Variants in IGF2BP2 observed in about 807,000 individuals in gnomAD.
IGF2BP2 encodes insulin-like growth factor 2 mRNA-binding protein 2.
IGF2BP2 carries 17 observed loss-of-function variants against 75.8 expected under a neutral mutation model. That is an observed-to-expected ratio of 0.22 (90% CI 0.15 to 0.34). The LOEUF (loss-of-function observed/expected upper bound fraction) is 0.34, where lower values mean the gene tolerates loss of function less well. Among genes scored for constraint, IGF2BP2 ranks in the 10% least tolerant of loss-of-function variants. IGF2BP2 has a pLI of 1.00. For synonymous variants in IGF2BP2, 288 were observed against 295.6 expected, an observed-to-expected ratio of 0.97 and a Z score of 0.26; for missense variants, 516 against 772.4, an observed-to-expected ratio of 0.67 and a Z score of 3.93.
rs1717550752 is a variant in IGF2BP2, at chr3:185,666,021, GA to G, written c.1200+6519del. Among the ~76,000 whole-genome samples, 3 of 151,064 alleles carry G rather than the reference GA, an allele frequency of 2.0e-5. No individual in the cohort carries two copies. The South Asian group carries it at 6.5e-4, about 33-fold the overall frequency. ...AGGTACATAGATAGATAGATAGATAGATAGATAGATAGATAGATAGATAGAT... is the reference window on the plus strand; with the variant it reads ...AGGTACATAGATAGATAGATAGATAGTAGATAGATAGATAGATAGATAGAT... On this transcript the variant is annotated intron_variant, in intron 10 of 15. Coordinates refer to ENST00000382199, the MANE Select transcript of IGF2BP2 (RefSeq NM_006548.6).
chr3:185,809,152 G>A (rs1238360402), intron 2 of IGF2BP2, among the ~76,000 whole-genome samples: 1 of 143,806 alleles, frequency 7.0e-6, no homozygotes, highest in Non-Finnish European at 1.5e-5. Context: ...TTTCTTCTGT[G>A]ATTCCCAGTA....
intron 2 of IGF2BP2, among the ~76,000 whole-genome samples, chr3:185,774,586 C>A (rs1442949940): frequency 7.6e-6 from 1 of 130,950 alleles, no homozygotes; most frequent in African/African-American, 3.5e-5. Context: ...CAGAGCGAGA[C>A]TCTGTCTCAA....
At chr3:185,741,168 CG>C (rs1408618638) in intron 2 of IGF2BP2, among the ~76,000 whole-genome samples, 4 of 152,048 alleles carry the variant, frequency 2.6e-5, no homozygotes, top group Non-Finnish European at 5.9e-5. Flanking sequence ...CCACTGTGCC[CG>C]GCCGCATATT....
chr3:185,671,913 A>G (rs773663009), intron 10 of IGF2BP2, among the ~76,000 whole-genome samples: 1 of 152,232 alleles, frequency 6.6e-6, no homozygotes, highest in South Asian at 2.1e-4. Flanking sequence ...TGAGCCCCCA[A>G]TTTGGTAATG....
chr3:185,680,184 C>T (rs1218022426), intron 7 of IGF2BP2, among the ~76,000 whole-genome samples: 1 of 152,066 alleles, frequency 6.6e-6, no homozygotes, highest in Non-Finnish European at 1.5e-5. Flanking sequence ...AATTGTATGC[C>T]TACAAATTTA....
chr3:185,768,520 C>G (rs982859630), intron 2 of IGF2BP2, among the ~76,000 whole-genome samples: 1 of 152,078 alleles, frequency 6.6e-6, no homozygotes, highest in Admixed American at 6.6e-5. Flanking sequence ...TCCTTTAATA[C>G]TACTTAAATA....
chr3:185,801,366 G>A (rs1738237969), intron 2 of IGF2BP2, among the ~76,000 whole-genome samples: 7 of 151,688 alleles, frequency 4.6e-5, no homozygotes, highest in Admixed American at 4.6e-4. Context: ...GCACATGCCT[G>A]TAATCCCAGC....
At chr3:185,802,238 G>C (rs896706248) in intron 2 of IGF2BP2, among the ~76,000 whole-genome samples, 1 of 151,660 alleles carries the variant, frequency 6.6e-6, no homozygotes, top group Non-Finnish European at 1.5e-5. Context: ...CACAGGTAGA[G>C]AGGTTCTGAT....
intron 10 of IGF2BP2, among the ~76,000 whole-genome samples, chr3:185,663,445 G>A (rs1259477007): frequency 6.6e-6 from 1 of 152,146 alleles, no homozygotes; most frequent in African/African-American, 2.4e-5. Flanking sequence ...TTTTCTCTGA[G>A]TTTGACTCTT....
At chr3:185,785,372 C>T (rs1269915090) in intron 2 of IGF2BP2, among the ~76,000 whole-genome samples, 2 of 150,714 alleles carry the variant, frequency 1.3e-5, no homozygotes, top group Non-Finnish European at 2.9e-5. Flanking sequence ...GACCGTTATG[C>T]CCCAGCATTT....
chr3:185,676,941 C>G (rs1455165502), intron 7 of IGF2BP2, among the ~76,000 whole-genome samples: 1 of 132,228 alleles, frequency 7.6e-6, no homozygotes, highest in South Asian at 2.4e-4. Flanking sequence ...GAGAGAGAGA[C>G]ATATATATAT....
intron 2 of IGF2BP2, among the ~76,000 whole-genome samples, chr3:185,806,530 A>T (rs1222324566): frequency 6.6e-6 from 1 of 152,226 alleles, no homozygotes; most frequent in Non-Finnish European, 1.5e-5. Flanking sequence ...AAAAGGTTAC[A>T]TGGGCTATGG....
chr3:185,771,231 G>A (rs1733822476), intron 2 of IGF2BP2, among the ~76,000 whole-genome samples: 1 of 152,102 alleles, frequency 6.6e-6, no homozygotes, highest in Admixed American at 6.5e-5. Flanking sequence ...CTTGAGGCCA[G>A]GAGTTCGAGA....
chr3:185,689,967 CA>C (rs5855070), intron 5 of IGF2BP2, among the ~76,000 whole-genome samples: 110,738 of 118,204 alleles, frequency 0.94, 51,783 homozygotes, highest in Middle Eastern at 0.97. Context: ...GACTCCGTCT[CA>C]AAAAAAAAAA....
At position 185,786,838 on chromosome 3, in the gene IGF2BP2, A is replaced by G. The variant is rs1290333530; in HGVS notation, c.239+36315T>C. ...AAAGATTAGATCTACAGCAGGGGTC[A>G]GAAAACCTGTTCTGTAAAGGACTGG... is the stretch of plus-strand genomic sequence containing the variant. On this transcript the variant is annotated intron_variant, in intron 2 of 15. Coordinates refer to ENST00000382199, the MANE Select transcript of IGF2BP2 (RefSeq NM_006548.6). 2.6e-5 allele frequency among the ~76,000 whole-genome samples: 4 copies of G among 152,344 alleles called. No individual in the cohort carries two copies. In the East Asian group the frequency reaches 7.7e-4, roughly 29 times the overall value.
chr3:185,705,947 AAT>A (rs1431302430), intron 2 of IGF2BP2, among the ~76,000 whole-genome samples: 2 of 152,246 alleles, frequency 1.3e-5, no homozygotes, highest in Non-Finnish European at 2.9e-5. Flanking sequence ...AGCAAAAAGC[AAT>A]AGTCTGAGAT....
At chr3:185,678,185 G>C (rs1236230566) in intron 7 of IGF2BP2, among the ~76,000 whole-genome samples, 4 of 152,170 alleles carry the variant, frequency 2.6e-5, no homozygotes, top group Non-Finnish European at 5.9e-5. Flanking sequence ...GTCAAAGATA[G>C]AGTATCTTCA....
intron 2 of IGF2BP2, among the ~76,000 whole-genome samples, chr3:185,792,457 TA>T (rs201028038): frequency 5.0e-4 from 71 of 141,888 alleles, no homozygotes; most frequent in African/African-American, 1.5e-3. Context: ...ATACAAAAAT[TA>T]TTTTTTTTTT....
chr3:185,687,021 T>C (rs1030662249), intron 7 of IGF2BP2, 36 bp downstream of exon 7: 1 of 1,596,690 alleles, frequency 6.3e-7, no homozygotes, highest in Non-Finnish European at 8.5e-7. Flanking sequence ...ACTCTTTTTC[T>C]CTGTTGAGTG....
Sources: gnomAD v4.1 joint callset for allele counts (sites outside exome capture counted in the v4.1 genomes callset) on GRCh38, gnomAD v4.1.1 for gene constraint, MANE v1.5 for transcripts, NCBI Gene and HGNC (gene_info 2026-07-23, HGNC 2026-07-21) for gene names.